The following RAPGEF4 variants were observed in gnomAD, a reference collection of about 807,000 sequenced individuals.
RAPGEF4 encodes RAP guanine-nucleotide-exchange factor (GEF) 4.
A neutral mutation model predicts 147.9 loss-of-function variants in RAPGEF4; 66 were observed. The observed-to-expected ratio is 0.45, with a 90% CI of 0.37 to 0.55. The LOEUF (loss-of-function observed/expected upper bound fraction) is 0.55, where lower values mean the gene tolerates loss of function less well. Ranked by LOEUF, RAPGEF4 falls within the 20% of genes least tolerant of loss-of-function variation. The pLI is 0.00. For missense variants in RAPGEF4, 1,071 were observed against 1,257.3 expected, an observed-to-expected ratio of 0.85 and a Z score of 2.24; for synonymous variants, 419 against 442.7, an observed-to-expected ratio of 0.95 and a Z score of 0.67.
intron 4 of RAPGEF4, among the ~76,000 whole-genome samples, chr2:172,870,509 T>C (rs1291559374): frequency 2.6e-5 from 4 of 152,174 alleles, no homozygotes; most frequent in Non-Finnish European, 5.9e-5. Flanking sequence ...TCAGTTTATG[T>C]CAGGATTTGT....
chr2:172,793,006 G>A lies in RAPGEF4; in HGVS notation c.66-2019G>A, dbSNP rs1326251515. Among the ~76,000 whole-genome samples the A allele has an allele frequency of 6.6e-5, 10 of 152,348 alleles. No individual in the cohort carries two copies. The East Asian group carries it at 1.9e-3, about 29-fold the overall frequency. On this transcript the variant is annotated intron_variant, in intron 1 of 30. Coordinates refer to ENST00000397081, the MANE Select transcript of RAPGEF4 (RefSeq NM_007023.4). ...CACTTTTTTCTCTCAGGGTTCTGAA[G>A]GCTGGAAGTCCAGAATCAAGGTGTG...
intron 4 of RAPGEF4, among the ~76,000 whole-genome samples, chr2:172,824,286 G>A (rs1159632174): frequency 6.6e-6 from 1 of 152,188 alleles, no homozygotes. Context: ...ATCTCTAGAA[G>A]ATAGAGCTTC....
chr2:172,939,482 A>C (rs1232721182), intron 6 of RAPGEF4, among the ~76,000 whole-genome samples: 2 of 152,120 alleles, frequency 1.3e-5, no homozygotes, highest in Non-Finnish European at 2.9e-5. Flanking sequence ...CATTTAAAAA[A>C]TTTGGTTCTT....
intron 1 of RAPGEF4, among the ~76,000 whole-genome samples, chr2:172,783,185 C>G (rs1182865581): frequency 1.3e-5 from 2 of 152,102 alleles, no homozygotes; most frequent in African/African-American, 4.8e-5. Context: ...TAGCCCTGAG[C>G]CTCAGATGTG....
At chr2:172,898,508 C>T (rs1698749220) in intron 4 of RAPGEF4, among the ~76,000 whole-genome samples, 1 of 152,178 alleles carries the variant, frequency 6.6e-6, no homozygotes, top group African/African-American at 2.4e-5. Flanking sequence ...CTCTGGGCAA[C>T]ATCTTCCGTC....
rs1290036955 is a variant in RAPGEF4 at position 172,737,595 on chromosome 2, C to T, written c.65+1547C>T. Among the ~76,000 whole-genome samples the T allele has an allele frequency of 4.6e-5, 7 of 151,942 alleles. No individual in the cohort carries two copies. The East Asian group carries it at 9.7e-4, about 21-fold the overall frequency. On this transcript the variant is annotated intron_variant, in intron 1 of 30. Coordinates refer to ENST00000397081, the MANE Select transcript of RAPGEF4 (RefSeq NM_007023.4). The stretch of plus-strand genomic sequence containing the variant: ...AATACTAACACAAGTGGGACATATT[C>T]GACTCTCTCTTTTCATAATGTGTAT...
intron 4 of RAPGEF4, among the ~76,000 whole-genome samples, chr2:172,910,306 G>A (rs968028696): frequency 2.0e-5 from 3 of 152,148 alleles, no homozygotes; most frequent in Non-Finnish European, 4.4e-5. Context: ...AACACAAATA[G>A]TGTCTGCACA....
At chr2:172,969,174 A>C (rs979332726) in intron 10 of RAPGEF4, among the ~76,000 whole-genome samples, 9 of 152,236 alleles carry the variant, frequency 5.9e-5, no homozygotes, top group Admixed American at 1.3e-4. Context: ...GCAGTCAACC[A>C]TGAGTTTCTT....
intron 4 of RAPGEF4, among the ~76,000 whole-genome samples, chr2:172,853,555 A>G (rs1693094274): frequency 6.6e-6 from 1 of 151,850 alleles, no homozygotes; most frequent in South Asian, 2.1e-4. Flanking sequence ...ACTTAAAAAA[A>G]TTCCTTCGTT....
intron 6 of RAPGEF4, among the ~76,000 whole-genome samples, chr2:172,942,629 C>T (rs1264778632): frequency 1.3e-5 from 2 of 150,440 alleles, no homozygotes; most frequent in South Asian, 2.1e-4. Flanking sequence ...ATGTGTGTTA[C>T]CAAAGGGAAG....
At chr2:172,748,842 G>A (rs940701099) in intron 1 of RAPGEF4, among the ~76,000 whole-genome samples, 2 of 152,174 alleles carry the variant, frequency 1.3e-5, no homozygotes, top group African/African-American at 4.8e-5. Flanking sequence ...GATACAATGG[G>A]GTTACAGATA....
intron 4 of RAPGEF4, among the ~76,000 whole-genome samples, chr2:172,869,290 T>C (rs1220462453): frequency 2.0e-5 from 3 of 152,196 alleles, no homozygotes; most frequent in Admixed American, 2.0e-4. Flanking sequence ...CCAGAGCCCT[T>C]GATAAATTCT....
chr2:172,823,441 G>A (rs188074875), intron 4 of RAPGEF4, among the ~76,000 whole-genome samples: 15 of 152,310 alleles, frequency 9.8e-5, no homozygotes, highest in African/African-American at 3.6e-4. Context: ...TCCGCTCTGG[G>A]GTTTAACGGG....
Position 173,048,582 on chromosome 2 carries a change from T to A in RAPGEF4, c.2854-18T>A, listed in dbSNP as rs1347311910. On this transcript the variant is annotated intron_variant, in intron 29 of 30. Coordinates refer to ENST00000397081, the MANE Select transcript of RAPGEF4 (RefSeq NM_007023.4). ...CTTACTTGAATTTCTATCTTTCTTTTTTCTATATTCCTTTTAGCGCATGAT... is the reference window on the plus strand; with the variant it reads ...CTTACTTGAATTTCTATCTTTCTTTATTCTATATTCCTTTTAGCGCATGAT... The A allele has an allele frequency of 6.2e-7, 1 of 1,613,986 alleles. No individual in the cohort carries two copies.
intron 1 of RAPGEF4, 38 bp from the exon 2 acceptor site, chr2:172,794,987 T>C (rs761520560): frequency 7.7e-6 from 12 of 1,567,492 alleles, no homozygotes; most frequent in Non-Finnish European, 1.0e-5. Context: ...AGGTAAATCT[T>C]TACTGACATA....
At chr2:172,771,289 C>T (rs934435216) in intron 1 of RAPGEF4, among the ~76,000 whole-genome samples, 7 of 152,060 alleles carry the variant, frequency 4.6e-5, no homozygotes, top group East Asian at 1.9e-4. Context: ...TTTATAAGAA[C>T]GGTAGTCCCA....
chr2:172,960,977 C>A, intron 7 of RAPGEF4, 145 bp from the exon 8 acceptor site: 1 of 816,216 alleles, frequency 1.2e-6, no homozygotes, highest in Non-Finnish European at 2.0e-6. Context: ...TGACATATCA[C>A]ACAAGTGAAC....
At chr2:173,047,523 T>C (rs1685626763) in intron 29 of RAPGEF4, among the ~76,000 whole-genome samples, 1 of 152,178 alleles carries the variant, frequency 6.6e-6, no homozygotes, top group African/African-American at 2.4e-5. Flanking sequence ...AAAATATGTA[T>C]GTACTATATG....
At chr2:172,929,388 A>C (rs1217475316) in intron 6 of RAPGEF4, among the ~76,000 whole-genome samples, 1 of 152,170 alleles carries the variant, frequency 6.6e-6, no homozygotes, top group Non-Finnish European at 1.5e-5. Flanking sequence ...AGATAAATGC[A>C]CATATATATA....
Sources: gnomAD v4.1 joint callset for allele counts (sites outside exome capture counted in the v4.1 genomes callset) on GRCh38, gnomAD v4.1.1 for gene constraint, MANE v1.5 for transcripts, NCBI Gene and HGNC (gene_info 2026-07-23, HGNC 2026-07-21) for gene names.